MIA3: variants seen among roughly 807,000 people sequenced by gnomAD.
MIA3 encodes the protein transport and Golgi organization protein 1 homolog.
In MIA3, 90 loss-of-function variants were observed where a neutral mutation model predicts 192.4. The observed-to-expected ratio is 0.47, with a 90% CI of 0.39 to 0.56. The LOEUF (loss-of-function observed/expected upper bound fraction) is 0.56. MIA3 is among the 20% of genes least tolerant of loss of function. MIA3 has a pLI of 0.00. For synonymous variants in MIA3, 740 were observed against 792.8 expected (o/e 0.93, Z 1.12); for missense variants, 2,123 against 2,269.4 (o/e 0.94, Z 1.31).
At chr1:222,644,268 T>A in intron 6 of MIA3, 1 of 1,381,412 alleles carries the variant, frequency 7.2e-7, no homozygotes, top group East Asian at 2.8e-5. Context: ...CCGGCTCCTT[T>A]GGTGCCTTGA....
chr1:222,658,403 G>A (rs1463633186), intron 18 of MIA3, among the ~76,000 whole-genome samples: 2 of 152,194 alleles, frequency 1.3e-5, no homozygotes, highest in African/African-American at 4.8e-5. Context: ...ACTGTGTTAG[G>A]TTGATCAGTC....
intron 6 of MIA3, among the ~76,000 whole-genome samples, chr1:222,633,808 T>A (rs564982594): frequency 5.3e-5 from 8 of 151,302 alleles, no homozygotes; most frequent in African/African-American, 1.9e-4. Context: ...AAAAGGTTAT[T>A]TGGGGAAGCC....
At chr1:222,623,060 T>C (rs1315233620) in intron 2 of MIA3, among the ~76,000 whole-genome samples, 1 of 152,244 alleles carries the variant, frequency 6.6e-6, no homozygotes, top group African/African-American at 2.4e-5. Context: ...GCTCATGCCT[T>C]ATCTGTCTTC....
Position 222,667,361 on chromosome 1 carries a change from T to C in MIA3, c.*1742T>C, listed in dbSNP as rs907212458. On this transcript the variant is annotated 3_prime_UTR_variant, in exon 28 of 28. Transcript: ENST00000344922. ...TAAGTCACAAATACAACTTTTGAATTTACCTGTCAATATCTCTTTAGGACA... is the reference window on the plus strand; with the variant it reads ...TAAGTCACAAATACAACTTTTGAATCTACCTGTCAATATCTCTTTAGGACA... 1 of 152,180 alleles carries C rather than the reference T, an allele frequency of 6.6e-6. No homozygotes were observed. The highest frequency in any genetic ancestry group is 2.4e-5 in the African/African-American group (1 of 41,438). 9.4% of individuals were successfully genotyped at this position (152,180 alleles called of 1,614,324 possible). A position where few individuals can be genotyped will look rare whatever the true frequency, so the allele number is the denominator to read the frequency against.
In MIA3 at chr1:222,651,875, G is replaced by A. The variant is rs2124906802; in HGVS notation, c.3910-102G>A. On this transcript the variant is annotated intron_variant, in intron 11 of 27. Coordinates refer to ENST00000344922, the MANE Select transcript of MIA3 (RefSeq NM_198551.4). ...GCTTTTACCTGAAACATAGGGGATG[G>A]CTCTGGGACATACTTTGTTGATGTT... is the stretch of plus-strand genomic sequence containing the variant. The A allele has an allele frequency of 6.1e-5, 46 of 754,656 alleles. No homozygotes were observed. In the South Asian group the frequency reaches 6.8e-4, roughly 11 times the overall value. 46.7% of individuals were successfully genotyped at this position (754,656 alleles called of 1,614,324 possible). A position where few individuals can be genotyped will look rare whatever the true frequency, so the allele number is the denominator to read the frequency against.
At chr1:222,656,208 G>A (rs35158675) in intron 18 of MIA3, among the ~76,000 whole-genome samples, 85,410 of 151,342 alleles carry the variant, frequency 0.56, 27,516 homozygotes, top group Non-Finnish European at 0.72. Context: ...TCCTGACCTC[G>A]TGATCCACCC....
chr1:222,645,870 A>G (rs1170585154), intron 7 of MIA3, 185 bp downstream of exon 7: 6 of 528,348 alleles, frequency 1.1e-5, no homozygotes, highest in African/African-American at 2.0e-5. Context: ...GACAACATGT[A>G]TAATCTCAGT....
chr1:222,645,201 T>C (rs1206720661), intron 6 of MIA3, among the ~76,000 whole-genome samples: 2 of 152,254 alleles, frequency 1.3e-5, no homozygotes, highest in African/African-American at 2.4e-5. Flanking sequence ...TTTTGTCTTA[T>C]GTGGTTTTTT....
chr1:222,633,361 T>G, intron 6 of MIA3, 112 bp downstream of exon 6: 2 of 904,418 alleles, frequency 2.2e-6, no homozygotes, highest in South Asian at 3.5e-5. Flanking sequence ...TGACTCCTGA[T>G]CCTTTGAAGA....
At chr1:222,643,315 T>G (rs1018632228) in intron 6 of MIA3, among the ~76,000 whole-genome samples, 2 of 152,208 alleles carry the variant, frequency 1.3e-5, no homozygotes, top group African/African-American at 4.8e-5. Context: ...CCTTGCTGTA[T>G]CGCAAATTTC....
rs779331023 is a variant in MIA3, at chr1:222,662,133, G to A, written c.5182+9G>A. 6.2e-6 allele frequency: 10 copies of A among 1,613,508 alleles called. No individual in the cohort carries two copies. The highest frequency in any genetic ancestry group is 2.2e-5 in the East Asian group (1 of 44,892). ...GAAACCCTCTCCTTCTGGTAAGGGA[G>A]CAAGAGTGTTCAAAGAGTCTAAAAC... On this transcript the variant is annotated intron_variant, in intron 25 of 27. Coordinates refer to ENST00000344922, the MANE Select transcript of MIA3 (RefSeq NM_198551.4).
At position 222,629,718 on chromosome 1, in the gene MIA3, G is replaced by A. The variant is rs1571868123; in HGVS notation, c.2498G>A (p.Ser833Asn). Reference sequence around the variant, plus strand: ...TTTGAACGAAGTGACTTTTCTGACAGCATAAAAATTCAGACTCCAGAATTA... The same window carrying A: ...TTTGAACGAAGTGACTTTTCTGACAACATAAAAATTCAGACTCCAGAATTA... ...RPFERSDFSDSIKIQTPELGE... is the reference protein window; with the variant it reads ...RPFERSDFSDNIKIQTPELGE... The change falls in exon 4 of 28, where the codon AGC becomes AAC. Residue 833 changes from serine to asparagine, a missense_variant. Transcript: ENST00000344922. 6.2e-7 allele frequency: 1 copy of A among 1,614,140 alleles called. No individual in the cohort carries two copies. The highest frequency in any genetic ancestry group is 1.7e-5 in the Admixed American group (1 of 60,012).
chr1:222,644,422 G>T (rs1663026957), intron 6 of MIA3: 2 of 1,546,078 alleles, frequency 1.3e-6, no homozygotes, highest in Non-Finnish European at 1.7e-6. Flanking sequence ...GAAAAACAGG[G>T]GGCCCAGTGC....
chr1:222,660,988 A>G (rs982470153), intron 24 of MIA3: 1 of 152,466 alleles, frequency 6.6e-6, no homozygotes, highest in Admixed American at 6.5e-5. Flanking sequence ...TAGTACTACA[A>G]TAATTTCATA....
At chr1:222,635,415 T>C (rs1468536334) in intron 6 of MIA3, among the ~76,000 whole-genome samples, 1 of 152,154 alleles carries the variant, frequency 6.6e-6, no homozygotes, top group African/African-American at 2.4e-5. Flanking sequence ...TGGCAAGATA[T>C]AAGGGCGCAG....
At position 222,655,745 on chromosome 1, in the gene MIA3, A is replaced by G. The variant is rs549364193; in HGVS notation, c.4607+952A>G. On this transcript the variant is annotated intron_variant, in intron 18 of 27. Coordinates refer to ENST00000344922, the MANE Select transcript of MIA3 (RefSeq NM_198551.4). The stretch of plus-strand genomic sequence containing the variant: ...AAAAAAGAGCACTTCTCTGCCTCCA[A>G]TAGTAATGTGAATTACGTAAATGGC... Among the ~76,000 whole-genome samples, 7 of 152,288 alleles carry G rather than the reference A, an allele frequency of 4.6e-5. No individual in the cohort carries two copies. In the East Asian group the frequency reaches 1.2e-3, roughly 25 times the overall value.
rs1488261796 is a variant in MIA3 at position 222,665,921 on chromosome 1, T to C, written c.*302T>C. On this transcript the variant is annotated 3_prime_UTR_variant, in exon 28 of 28. Coordinates refer to ENST00000344922, the MANE Select transcript of MIA3 (RefSeq NM_198551.4). ...AAATGATTTAGAATGTCATGAAAAA[T>C]ATGAACATTTCCTGTGGAAATGCTT... 1 of 237,524 alleles carries C rather than the reference T, an allele frequency of 4.2e-6. No homozygotes were observed. The highest frequency in any genetic ancestry group is 8.0e-6 in the Non-Finnish European group (1 of 124,966). The allele number at this position is 237,524 out of a possible 1,614,324, so 14.7% of individuals were successfully genotyped here.
intron 6 of MIA3, among the ~76,000 whole-genome samples, chr1:222,642,708 C>G (rs1025754802): frequency 6.6e-6 from 1 of 152,172 alleles, no homozygotes; most frequent in Non-Finnish European, 1.5e-5. Context: ...CATTCTCTCA[C>G]CTACAGAGTG....
At chr1:222,661,749 A>G (rs1325636126) in intron 24 of MIA3, among the ~76,000 whole-genome samples, 1 of 152,212 alleles carries the variant, frequency 6.6e-6, no homozygotes, top group African/African-American at 2.4e-5. Context: ...ACTCAGTAAG[A>G]TACGGAAGTC....
Sources: gnomAD v4.1 joint callset for allele counts (sites outside exome capture counted in the v4.1 genomes callset) on GRCh38, gnomAD v4.1.1 for gene constraint, MANE v1.5 for transcripts, NCBI Gene and HGNC (gene_info 2026-07-23, HGNC 2026-07-21) for gene names.